ZBTB46: variants seen among roughly 807,000 people sequenced by gnomAD.
ZBTB46 encodes zinc finger and BTB domain containing 46, also known as zinc finger and BTB domain-containing protein 46.
A neutral mutation model predicts 44.1 loss-of-function variants in ZBTB46; 8 were observed. That is an observed-to-expected ratio of 0.18 (90% CI 0.11 to 0.33). The LOEUF is 0.33. Among genes scored for constraint, ZBTB46 ranks in the 10% least tolerant of loss-of-function variants. The probability of loss-of-function intolerance (pLI) is 1.00; values close to 1 mark genes in which losing one functional copy is unlikely to be tolerated. For synonymous variants in ZBTB46, 409 were observed against 382.3 expected, an observed-to-expected ratio of 1.07 and a Z score of -0.81; for missense variants, 651 against 847.7, an observed-to-expected ratio of 0.77 and a Z score of 2.88.
At chr20:63,791,696 C>T (rs967036187) in intron 1 of ZBTB46, among the ~76,000 whole-genome samples, 6 of 151,668 alleles carry the variant, frequency 4.0e-5, no homozygotes, top group South Asian at 2.1e-4. Context: ...TCAGGCCCTG[C>T]GGCTGCCAGC....
intron 1 of ZBTB46, among the ~76,000 whole-genome samples, chr20:63,815,438 TGCA>T (rs2092744294): frequency 7.9e-6 from 1 of 127,230 alleles, no homozygotes; most frequent in East Asian, 2.4e-4. Context: ...TGGGCACAGG[TGCA>T]GGTGAGCACA....
At chr20:63,815,946 A>AG (rs2092751982) in intron 1 of ZBTB46, among the ~76,000 whole-genome samples, 2 of 123,550 alleles carry the variant, frequency 1.6e-5, no homozygotes, top group African/African-American at 6.6e-5. Flanking sequence ...GTGCAGGTAC[A>AG]GTGGGCACAG....
intron 3 of ZBTB46, chr20:63,769,498 T>C: frequency 1.0e-6 from 1 of 956,478 alleles, no homozygotes; most frequent in South Asian, 4.8e-5. Flanking sequence ...AGCCCGGTGA[T>C]GCCCCAAGGG....
chr20:63,802,662 AC>A lies in ZBTB46; in HGVS notation c.-33-11873del, dbSNP rs533156554. ...CGGTGGGCCGACAACCGAACCTCAG[AC>A]CCCCAGCACCCTCCCAGGAACCGCC... On this transcript the variant is annotated intron_variant, in intron 1 of 4. Transcript: ENST00000245663. 8.2e-4 allele frequency among the ~76,000 whole-genome samples: 71 copies of A among 86,184 alleles called. 1 individual carries two copies. The highest frequency in any genetic ancestry group is 1.0e-3 in the Non-Finnish European group (45 of 44,572). 56.5% of individuals were successfully genotyped at this position (86,184 alleles called of 152,430 possible).
At position 63,790,377 on chromosome 20, in the gene ZBTB46, C is replaced by A; in HGVS notation, c.381G>T (p.Ala127=). The A allele has an allele frequency of 6.2e-7, 1 of 1,613,168 alleles. No homozygotes were observed. Among genetic ancestry groups the A allele is most frequent in the Non-Finnish European group, 8.5e-7 (1 of 1,179,916 alleles). The change falls in exon 2 of 5, where the codon GCG becomes GCT. Residue 127 remains alanine (A), a synonymous_variant. Transcript: ENST00000245663. The part of the protein sequence containing the change: ...IVQACHDFIK[A]ALDISIKSDA... ...CCGACTTGATGCTGATGTCCAGCGC[C>A]GCCTTGATGAAGTCGTGGCAGGCTT...
intron 3 of ZBTB46, among the ~76,000 whole-genome samples, chr20:63,755,416 C>T (rs1485161092): frequency 6.6e-6 from 1 of 152,264 alleles, no homozygotes; most frequent in Non-Finnish European, 1.5e-5. Flanking sequence ...CTTGTGACCG[C>T]ATCGCTCCAG....
rs374215565 is a variant in ZBTB46 at position 63,790,665 on chromosome 20, G to A, written c.93C>T (p.Cys31=). ...TGCCCTCCACGACCACGCAGACGTC[G>A]CACAGGACGCCGTGCTGCCTCTGCT... is the stretch of plus-strand genomic sequence containing the variant. ...LNEQRQHGVL[C]DVCVVVEGKV... is the part of the protein sequence containing the mutation. Residue 31 remains cysteine, a synonymous_variant, in exon 2 of 5, where the codon TGC becomes TGT. Coordinates refer to ENST00000245663, the MANE Select transcript of ZBTB46 (RefSeq NM_001369741.1). 49 of 1,611,520 alleles carry A rather than the reference G, an allele frequency of 3.0e-5. No homozygotes were observed. Among genetic ancestry groups the A allele is most frequent in the African/African-American group, 8.0e-5 (6 of 74,942 alleles).
chr20:63,809,210 A>AG (rs1324592360), intron 1 of ZBTB46, among the ~76,000 whole-genome samples: 1 of 140,396 alleles, frequency 7.1e-6, no homozygotes, highest in African/African-American at 2.7e-5. Flanking sequence ...GGTGGAGCCA[A>AG]GGGGGGCAAG....
chr20:63,823,181 TAAAATA>T (rs2092801992), intron 1 of ZBTB46, among the ~76,000 whole-genome samples: 1 of 143,098 alleles, frequency 7.0e-6, no homozygotes, highest in Admixed American at 6.9e-5. Context: ...AATACATACA[TAAAATA>T]AAAATAAAAA....
rs1370473511 is a variant in ZBTB46 at position 63,790,807 on chromosome 20, A to C, written c.-33-17T>G. 6.6e-7 allele frequency: 1 copy of C among 1,521,506 alleles called. No individual in the cohort carries two copies. Among genetic ancestry groups the C allele is most frequent in the African/African-American group, 1.4e-5 (1 of 73,028 alleles). The allele number at this position is 1,521,506 out of a possible 1,614,324, so 94.3% of individuals were successfully genotyped here. On this transcript the variant is annotated splice_polypyrimidine_tract_variant and intron_variant, in intron 1 of 4. Transcript: ENST00000245663. The stretch of plus-strand genomic sequence containing the variant: ...CTACAGACTCTGTGGAGGTAAGAAC[A>C]AGAGTTACCCAAGCTCAGCACAGAC...
At chr20:63,750,035 A>G (rs1395314405) in intron 4 of ZBTB46, among the ~76,000 whole-genome samples, 1 of 152,236 alleles carries the variant, frequency 6.6e-6, no homozygotes, top group African/African-American at 2.4e-5. Flanking sequence ...GCCCTGCCCC[A>G]GCCACTGGTG....
intron 3 of ZBTB46, among the ~76,000 whole-genome samples, chr20:63,759,476 C>G (rs1382463850): frequency 6.6e-6 from 1 of 152,124 alleles, no homozygotes; most frequent in Non-Finnish European, 1.5e-5. Flanking sequence ...CCACCCACCT[C>G]AGCCTCCCAA....
At chr20:63,781,064 C>T (rs1320885042) in intron 2 of ZBTB46, among the ~76,000 whole-genome samples, 2 of 147,854 alleles carry the variant, frequency 1.4e-5, no homozygotes, top group Non-Finnish European at 3.0e-5. Flanking sequence ...TGGCGTGAAC[C>T]CAGGAGGCAG....
chr20:63,790,942 G>C (rs2092556167), intron 1 of ZBTB46, 152 bp from the exon 2 acceptor site: 2 of 1,131,160 alleles, frequency 1.8e-6, no homozygotes, highest in African/African-American at 1.6e-5. Context: ...TGCAGCGGGA[G>C]GCCTGTGTCT....
chr20:63,750,791 T>C (rs1413465474), intron 4 of ZBTB46, among the ~76,000 whole-genome samples: 1 of 151,956 alleles, frequency 6.6e-6, no homozygotes, highest in Non-Finnish European at 1.5e-5. Flanking sequence ...TAGTCCCAGC[T>C]ACTTGGGAGG....
rs1175621348 is a variant in ZBTB46 at position 63,830,476 on chromosome 20, G to A, written c.-34+621C>T. Among the ~76,000 whole-genome samples the A allele has an allele frequency of 2.6e-5, 4 of 150,958 alleles. No homozygotes were observed. The East Asian group carries it at 7.9e-4, about 30-fold the overall frequency. On this transcript the variant is annotated intron_variant, in intron 1 of 4. Coordinates refer to ENST00000245663, the MANE Select transcript of ZBTB46 (RefSeq NM_001369741.1). ...GCGCCCCGGTTCGGCCGGCGATTAAGATGGAGACCAGGCCGGCGCCCGGCG... is the reference window on the plus strand; with the variant it reads ...GCGCCCCGGTTCGGCCGGCGATTAAAATGGAGACCAGGCCGGCGCCCGGCG...
At chr20:63,815,185 GGTGCA>G in intron 1 of ZBTB46, 1 of 238,876 alleles carries the variant, frequency 4.2e-6, no homozygotes, top group Non-Finnish European at 8.5e-6. Flanking sequence ...AGTGGGCCCA[GGTGCA>G]GTGGGCGCAG....
At chr20:63,779,613 G>T (rs545038704) in intron 2 of ZBTB46, among the ~76,000 whole-genome samples, 5 of 152,050 alleles carry the variant, frequency 3.3e-5, no homozygotes, top group Admixed American at 1.3e-4. Context: ...GTAGAGACGG[G>T]GTTTCACCGT....
At chr20:63,781,140 C>CAAAAAAAAAAAAAAAAAAAAAAAAAA (rs58102231) in intron 2 of ZBTB46, among the ~76,000 whole-genome samples, 1 of 83,928 alleles carries the variant, frequency 1.2e-5, no homozygotes. Context: ...GACTCTGCCT[C>CAAAAAAAAAAAAAAAAAAAAAAAAAA]AAAAAAAAAA....
Sources: allele counts gnomAD v4.1 joint callset (sites outside exome capture counted in the v4.1 genomes callset), GRCh38; gene constraint gnomAD v4.1.1; transcripts MANE v1.5; gene names NCBI Gene and HGNC (gene_info 2026-07-23, HGNC 2026-07-21).